SORCS1: variants seen among roughly 807,000 people sequenced by gnomAD.
SORCS1 encodes VPS10 domain-containing receptor SorCS1.
In SORCS1, 60 loss-of-function variants were observed where a neutral mutation model predicts 146.1. That is an observed-to-expected ratio of 0.41 (90% CI 0.33 to 0.51). The LOEUF (loss-of-function observed/expected upper bound fraction) is 0.51. Among genes scored for constraint, SORCS1 ranks in the 20% least tolerant of loss-of-function variants. The probability of loss-of-function intolerance (pLI) is 0.21; values close to 1 mark genes in which losing one functional copy is unlikely to be tolerated. For missense variants in SORCS1, 1,352 were observed against 1,487.6 expected, an observed-to-expected ratio of 0.91 and a Z score of 1.50; for synonymous variants, 637 against 584.0, an observed-to-expected ratio of 1.09 and a Z score of -1.31.
chr10:106,926,307 C>T (rs10884381), intron 2 of SORCS1, among the ~76,000 whole-genome samples: 79,564 of 152,078 alleles, frequency 0.52, 22,413 homozygotes, highest in Non-Finnish European at 0.63. Flanking sequence ...TTTAAATAAT[C>T]GTGTGCCTTG....
intron 5 of SORCS1, among the ~76,000 whole-genome samples, chr10:106,735,984 T>C (rs1246375307): frequency 6.6e-6 from 1 of 152,142 alleles, no homozygotes; most frequent in African/African-American, 2.4e-5. Flanking sequence ...AAGTAGGTTT[T>C]CACATTTAAG....
chr10:106,827,206 C>CTT (rs71025560), intron 3 of SORCS1, among the ~76,000 whole-genome samples: 1,669 of 135,834 alleles, frequency 0.012, 32 homozygotes, highest in African/African-American at 0.031. Flanking sequence ...TATTTGGCAT[C>CTT]TTTTTTTTTT....
At chr10:106,782,211 A>C (rs141478880) in intron 3 of SORCS1, among the ~76,000 whole-genome samples, 1 of 152,318 alleles carries the variant, frequency 6.6e-6, no homozygotes, top group Non-Finnish European at 1.5e-5. Context: ...TTTGATTTCA[A>C]ACTGGTTTTC....
chr10:107,122,422 T>G (rs1424558934), intron 1 of SORCS1, among the ~76,000 whole-genome samples: 1 of 152,224 alleles, frequency 6.6e-6, no homozygotes, highest in Admixed American at 6.5e-5. Flanking sequence ...CTTGCCTCTC[T>G]GATCACTTAA....
intron 2 of SORCS1, among the ~76,000 whole-genome samples, chr10:106,930,599 G>GGAGCCA (rs1434881712): frequency 1.3e-5 from 2 of 152,164 alleles, no homozygotes; most frequent in African/African-American, 4.8e-5. Context: ...CCAGCTCACA[G>GGAGCCA]GCACAACACC....
chr10:107,041,706 G>C (rs891727510), intron 1 of SORCS1, among the ~76,000 whole-genome samples: 1 of 152,076 alleles, frequency 6.6e-6, no homozygotes, highest in Admixed American at 6.5e-5. Flanking sequence ...CTAGTGAAAG[G>C]TGAGGAAGTG....
At chr10:106,894,237 A>G (rs371978492) in intron 2 of SORCS1, among the ~76,000 whole-genome samples, 4 of 140,802 alleles carry the variant, frequency 2.8e-5, no homozygotes, top group African/African-American at 5.3e-5. Context: ...GCATGTGTGC[A>G]TGTGTGTGTG....
At chr10:106,700,707 G>C (rs1342269597) in intron 8 of SORCS1, among the ~76,000 whole-genome samples, 2 of 152,060 alleles carry the variant, frequency 1.3e-5, no homozygotes, top group Non-Finnish European at 2.9e-5. Flanking sequence ...CTCTCCTCTA[G>C]ACGTGTAGGA....
rs1851590389 is a variant in SORCS1, at chr10:106,671,396, T to A, written c.2059-29A>T. ...TAAGCAGAGAAGGATCACAGATACTTGGGCACATAGCTTGGACTTTCTCTG... is the reference window on the plus strand; with the variant it reads ...TAAGCAGAGAAGGATCACAGATACTAGGGCACATAGCTTGGACTTTCTCTG... On this transcript the variant is annotated intron_variant, in intron 15 of 25. Coordinates refer to ENST00000263054, the MANE Select transcript of SORCS1 (RefSeq NM_052918.5). 3 of 1,613,238 alleles carry A rather than the reference T, an allele frequency of 1.9e-6. No individual in the cohort carries two copies. The African/African-American group carries it at 4.0e-5, about 22-fold the overall frequency.
chr10:107,001,596 TG>T (rs1198855046), intron 1 of SORCS1, among the ~76,000 whole-genome samples: 1 of 152,188 alleles, frequency 6.6e-6, no homozygotes, highest in African/African-American at 2.4e-5. Flanking sequence ...CCCATGTAGT[TG>T]GGATTACAGG....
chr10:106,712,107 C>T (rs1299971529), intron 6 of SORCS1, among the ~76,000 whole-genome samples: 1 of 152,134 alleles, frequency 6.6e-6, no homozygotes, highest in East Asian at 1.9e-4. Flanking sequence ...ATCACTGAGA[C>T]AATGAGTATT....
At chr10:106,833,208 G>A (rs1948635960) in intron 2 of SORCS1, among the ~76,000 whole-genome samples, 1 of 151,812 alleles carries the variant, frequency 6.6e-6, no homozygotes, top group Non-Finnish European at 1.5e-5. Context: ...TTATTTTTTG[G>A]TGCCATCACT....
At chr10:107,167,473 G>A (rs1231955700), upstream of SORCS1, among the ~76,000 whole-genome samples, 1 of 152,108 alleles carries the variant, frequency 6.6e-6, no homozygotes, top group Non-Finnish European at 1.5e-5. Context: ...CATTGTGCAC[G>A]TGACAAATAT....
In SORCS1 at chr10:106,722,504, G is replaced by T. The variant is rs1855856667; in HGVS notation, c.1024+7546C>A. ...TTTATTTCTGCTTGTTAAAATGCTA[G>T]TTTGAGGTTCATTTCACAGAGTTCT... On this transcript the variant is annotated intron_variant, in intron 6 of 25. Transcript: ENST00000263054. Among the ~76,000 whole-genome samples the T allele has an allele frequency of 2.6e-5, 4 of 152,158 alleles. No individual in the cohort carries two copies. In the South Asian group the frequency reaches 8.3e-4, roughly 32 times the overall value.
In SORCS1 at chr10:106,601,638, C is replaced by A. The variant is rs1394652450; in HGVS notation, c.3166-4188G>T. Among the ~76,000 whole-genome samples, 3 of 152,128 alleles carry A rather than the reference C, an allele frequency of 2.0e-5. No individual in the cohort carries two copies. The East Asian group carries it at 5.8e-4, about 29-fold the overall frequency. On this transcript the variant is annotated intron_variant, in intron 23 of 25. Coordinates refer to ENST00000263054, the MANE Select transcript of SORCS1 (RefSeq NM_052918.5). ...AGAATCAACTAGATATGGCTGTGGG[C>A]AGGGCCTTCAATCAAGAAAGGTCAA...
chr10:107,121,935 T>C (rs908883085), intron 1 of SORCS1, among the ~76,000 whole-genome samples: 2 of 152,116 alleles, frequency 1.3e-5, no homozygotes, highest in Admixed American at 1.3e-4. Flanking sequence ...TATATAATAA[T>C]ACAAATGAGG....
At chr10:106,580,653 C>T (rs766557641) in intron 24 of SORCS1, among the ~76,000 whole-genome samples, 5 of 152,000 alleles carry the variant, frequency 3.3e-5, no homozygotes, top group South Asian at 2.1e-4. Context: ...TGGTGTGAGC[C>T]GAGAGGGCAA....
chr10:106,618,002 A>G, intron 21 of SORCS1, 147 bp downstream of exon 21: 1 of 1,015,954 alleles, frequency 9.8e-7, no homozygotes, highest in Non-Finnish European at 1.4e-6. Context: ...ACAGGAGAAG[A>G]TGAGACTCGC....
rs1049116860 is a variant in SORCS1, at chr10:106,984,675, G to A, written c.559-28095C>T. Among the ~76,000 whole-genome samples the A allele has an allele frequency of 2.6e-5, 4 of 151,866 alleles. No homozygotes were observed. The East Asian group carries it at 5.9e-4, about 22-fold the overall frequency. ...CCCAAAGGGCTGGGATTACAGGCAT[G>A]AGCCACTGCACCTGGCCTACCATTC... is the stretch of plus-strand genomic sequence containing the variant. On this transcript the variant is annotated intron_variant, in intron 1 of 25. Coordinates refer to ENST00000263054, the MANE Select transcript of SORCS1 (RefSeq NM_052918.5).
Sources: gnomAD v4.1 joint callset for allele counts (sites outside exome capture counted in the v4.1 genomes callset) on GRCh38, gnomAD v4.1.1 for gene constraint, MANE v1.5 for transcripts, NCBI Gene and HGNC (gene_info 2026-07-23, HGNC 2026-07-21) for gene names.